Variants in ANK2 observed in about 807,000 individuals in gnomAD.
The protein encoded by ANK2 is ankyrin 2.
ANK2 carries 83 observed loss-of-function variants against 360.5 expected under a neutral mutation model. The ratio of observed to expected loss-of-function variants is 0.23; its 90% CI spans 0.19 to 0.28. The LOEUF is 0.28. Among genes scored for constraint, ANK2 ranks in the 10% least tolerant of loss-of-function variants. ANK2 has a pLI of 1.00. For missense variants in ANK2, 4,201 were observed against 4,795.7 expected (o/e 0.88, Z 3.66); for synonymous variants, 1,740 against 1,759.5 (o/e 0.99, Z 0.28).
intron 26 of ANK2, among the ~76,000 whole-genome samples, chr4:113,321,297 TAC>T (rs1238981253): frequency 6.7e-6 from 1 of 149,976 alleles, no homozygotes; most frequent in East Asian, 1.9e-4. Flanking sequence ...AATCCCCATA[TAC>T]ACATGTTCTA....
chr4:112,968,323 A>G (rs2038132871), intron 2 of ANK2, among the ~76,000 whole-genome samples: 2 of 152,152 alleles, frequency 1.3e-5, no homozygotes, highest in African/African-American at 2.4e-5. Context: ...GTCACTCCCC[A>G]TGGACCAGGC....
At chr4:113,138,847 T>A (rs887262041) in intron 1 of ANK2, among the ~76,000 whole-genome samples, 1 of 152,158 alleles carries the variant, frequency 6.6e-6, no homozygotes, top group African/African-American at 2.4e-5. Context: ...ACTGAACATA[T>A]AAATATATGT....
chr4:112,802,836 C>T, the ANK2 span, among the ~76,000 whole-genome samples: 10 of 152,252 alleles, frequency 6.6e-5, no homozygotes, highest in Admixed American at 3.3e-4. Flanking sequence ...TGATTCCTCC[C>T]GAGGTGATAT....
chr4:112,838,536 C>T (rs973325582), intron 1 of ANK2, among the ~76,000 whole-genome samples: 4 of 152,180 alleles, frequency 2.6e-5, no homozygotes, highest in African/African-American at 9.6e-5. Flanking sequence ...GGACTTCCTA[C>T]CTCATCCTTG....
the ANK2 span, among the ~76,000 whole-genome samples, chr4:112,755,479 T>C: frequency 6.6e-6 from 1 of 152,176 alleles, no homozygotes; most frequent in Admixed American, 6.5e-5. Flanking sequence ...CATTAGTTCT[T>C]ACAGGTTTTG....
chr4:113,106,186 G>A (rs564837947), intron 1 of ANK2, among the ~76,000 whole-genome samples: 8 of 152,260 alleles, frequency 5.3e-5, no homozygotes, highest in East Asian at 1.9e-4. Flanking sequence ...AAATGTTAAA[G>A]TAGCCCTCTA....
chr4:113,025,558 C>A (rs2059106631), intron 2 of ANK2, among the ~76,000 whole-genome samples: 1 of 152,178 alleles, frequency 6.6e-6, no homozygotes, highest in South Asian at 2.1e-4. Flanking sequence ...AAAAATCAAT[C>A]TCTTGACACT....
chr4:112,912,794 G>A (rs997095855), intron 2 of ANK2, among the ~76,000 whole-genome samples: 1 of 152,040 alleles, frequency 6.6e-6, no homozygotes, highest in Non-Finnish European at 1.5e-5. Flanking sequence ...TGGGAGGATA[G>A]CTAGAGCCCA....
rs564705485 is a variant in ANK2 at position 112,905,296 on chromosome 4, GGTGCAATAAATAAC to G, written c.21+783_21+796del. 1.3e-3 allele frequency among the ~76,000 whole-genome samples: 199 copies of G among 152,180 alleles called. 1 individual carries two copies. Among genetic ancestry groups the G allele is most frequent in the African/African-American group, 4.6e-3 (190 of 41,530 alleles). The stretch of plus-strand genomic sequence containing the variant: ...TCATGCAAATATCCATGATGTTTCA[GGTGCAATAAATAAC>G]ATATGGTGCCTTTGTACTAGATTAG... On this transcript the variant is annotated intron_variant, in intron 2 of 30. Transcript: ENST00000503271.
chr4:112,785,016 C>A, the ANK2 span, among the ~76,000 whole-genome samples: 2 of 152,202 alleles, frequency 1.3e-5, no homozygotes, highest in East Asian at 3.9e-4. Flanking sequence ...AGGAAAATAC[C>A]AGAAGTATGG....
chr4:113,145,652 G>T, intron 1 of ANK2: 1 of 1,120,980 alleles, frequency 8.9e-7, no homozygotes, highest in Non-Finnish European at 1.1e-6. Flanking sequence ...AATGGTCACT[G>T]AATGCAGCCT....
At chr4:113,151,841 G>A (rs1172555486) in intron 1 of ANK2, among the ~76,000 whole-genome samples, 1 of 151,038 alleles carries the variant, frequency 6.6e-6, no homozygotes, top group Admixed American at 6.6e-5. Flanking sequence ...TGAGGTGGGA[G>A]GATCACTTAA....
Position 113,354,551 on chromosome 4 carries a change from C to T in ANK2, c.5933C>T (p.Thr1978Ile). Residue 1978 changes from threonine (T) to isoleucine (I), a missense_variant, in exon 38 of 46, where the codon ACT becomes ATT. Transcript: ENST00000357077. ...GAAAAGCAACCACCTGTATCCCCCACTTCAAAAACAGAGAGGATTGAGGAA... is the reference window on the plus strand; with the variant it reads ...GAAAAGCAACCACCTGTATCCCCCATTTCAAAAACAGAGAGGATTGAGGAA... ...KTEKQPPVSPTSKTERIEETM... is the reference protein window; with the variant it reads ...KTEKQPPVSPISKTERIEETM... 6.2e-7 allele frequency: 1 copy of T among 1,614,132 alleles called. No homozygotes were observed. The highest frequency in any genetic ancestry group is 8.5e-7 in the Non-Finnish European group (1 of 1,179,994).
At chr4:113,091,626 C>T (rs1356648038) in intron 1 of ANK2, among the ~76,000 whole-genome samples, 4 of 152,180 alleles carry the variant, frequency 2.6e-5, no homozygotes, top group African/African-American at 4.8e-5. Flanking sequence ...CAGTAGCTAA[C>T]GTTATGCAGT....
At chr4:113,112,181 T>G (rs2094367118) in intron 1 of ANK2, among the ~76,000 whole-genome samples, 1 of 152,244 alleles carries the variant, frequency 6.6e-6, no homozygotes, top group Non-Finnish European at 1.5e-5. Context: ...AAAAGAATGA[T>G]TTTAACATCC....
intron 2 of ANK2, among the ~76,000 whole-genome samples, chr4:112,907,808 A>G (rs908101526): frequency 2.0e-5 from 3 of 152,158 alleles, no homozygotes; most frequent in African/African-American, 7.2e-5. Flanking sequence ...ATATATTACA[A>G]ATCTGGGATT....
intron 2 of ANK2, among the ~76,000 whole-genome samples, chr4:113,020,825 C>CAAAAAAAAA (rs199827290): frequency 1.5e-5 from 2 of 130,756 alleles, no homozygotes; most frequent in African/African-American, 2.8e-5. Flanking sequence ...GACTCTGTCT[C>CAAAAAAAAA]AAAAAAAGAA....
At chr4:113,263,493 C>G (rs1267818704) in intron 13 of ANK2, among the ~76,000 whole-genome samples, 1 of 152,162 alleles carries the variant, frequency 6.6e-6, no homozygotes, top group East Asian at 1.9e-4. Context: ...AGTGCTTTCA[C>G]AATCAAATCA....
Position 112,936,108 on chromosome 4 carries a change from A to G in ANK2, c.21+31594A>G, listed in dbSNP as rs149666946. ...CTGTCAGTGGCCACTGTCACCACCTATAGTGTAGGCAGCTTCTGCGTTCTT... is the reference window on the plus strand; with the variant it reads ...CTGTCAGTGGCCACTGTCACCACCTGTAGTGTAGGCAGCTTCTGCGTTCTT... On this transcript the variant is annotated intron_variant, in intron 2 of 30. Transcript: ENST00000503271. Among the ~76,000 whole-genome samples, 587 of 152,242 alleles carry G rather than the reference A, an allele frequency of 3.9e-3. 4 individuals are homozygous for G. Among genetic ancestry groups the G allele is most frequent in the African/African-American group, 0.013 (536 of 41,560 alleles).
Sources: gnomAD v4.1 joint callset for allele counts (sites outside exome capture counted in the v4.1 genomes callset) on GRCh38, gnomAD v4.1.1 for gene constraint, MANE v1.5 for transcripts, NCBI Gene and HGNC (gene_info 2026-07-23, HGNC 2026-07-21) for gene names.